The following FAM13A variants were observed in gnomAD, a reference collection of about 807,000 sequenced individuals.
FAM13A encodes the protein family with sequence similarity 13 member A, also known as protein FAM13A.
Under a neutral mutation model 129.6 loss-of-function variants are expected in FAM13A, and 76 were observed. The ratio of observed to expected loss-of-function variants is 0.59; its 90% confidence interval spans 0.49 to 0.71. FAM13A has a LOEUF of 0.71. Among genes scored for constraint, FAM13A ranks in the 30% least tolerant of loss-of-function variants. The pLI, the probability that FAM13A is intolerant of heterozygous loss-of-function variation, is 0.00. For synonymous variants in FAM13A, 443 were observed against 449.9 expected (o/e 0.98, Z 0.20); for missense variants, 1,108 against 1,249.3 (o/e 0.89, Z 1.70).
Position 88,768,015 on chromosome 4 carries a change from T to C in FAM13A, c.1503A>G (p.Gly501=), listed in dbSNP as rs1746033219. The stretch of plus-strand genomic sequence containing the variant: ...CAGACATCCATTCAAAATCATCAGG[T>C]CCAGTTCTCTCATGAGATCGTGTGG... ...LNSTRSHERT[G]PDDFEWMSDE... Residue 501 remains glycine, a synonymous_variant, in exon 12 of 24, where the codon GGA becomes GGG. Transcript: ENST00000264344. 1 of 1,608,762 alleles carries C rather than the reference T, an allele frequency of 6.2e-7. No individual in the cohort carries two copies. The highest frequency in any genetic ancestry group is 2.2e-5 in the East Asian group (1 of 44,764).
At chr4:88,882,196 C>T (rs1329298784) in intron 6 of FAM13A, among the ~76,000 whole-genome samples, 3 of 151,968 alleles carry the variant, frequency 2.0e-5, no homozygotes, top group Admixed American at 6.6e-5. Flanking sequence ...AATCTAAAGT[C>T]AGGATGAAGG....
intron 6 of FAM13A, among the ~76,000 whole-genome samples, chr4:88,891,433 A>T (rs574993230): frequency 3.3e-5 from 5 of 152,218 alleles, no homozygotes; most frequent in Admixed American, 2.0e-4. Flanking sequence ...AAAAAGGAAA[A>T]AGAGTAAGAA....
intron 6 of FAM13A, among the ~76,000 whole-genome samples, chr4:88,881,679 C>G (rs1358413551): frequency 6.6e-6 from 1 of 151,904 alleles, no homozygotes; most frequent in Non-Finnish European, 1.5e-5. Flanking sequence ...ATAAGCTAAT[C>G]AAGGAGGCAC....
chr4:88,836,501 T>C (rs894563764), intron 7 of FAM13A, among the ~76,000 whole-genome samples: 18 of 152,242 alleles, frequency 1.2e-4, no homozygotes, highest in Non-Finnish European at 2.5e-4. Context: ...GATTCATTTA[T>C]GAATGTACAG....
chr4:88,769,308 C>A (rs1449439450), intron 11 of FAM13A, among the ~76,000 whole-genome samples: 1 of 152,128 alleles, frequency 6.6e-6, no homozygotes. Flanking sequence ...GCCTGGAATT[C>A]TCAGTTTGAC....
chr4:88,983,694 T>C (rs1761914332), intron 4 of FAM13A, among the ~76,000 whole-genome samples: 1 of 152,160 alleles, frequency 6.6e-6, no homozygotes, highest in African/African-American at 2.4e-5. Flanking sequence ...ATTGGGAGAT[T>C]TAATTTTGCT....
At chr4:89,030,852 A>G (rs1724866153) in intron 1 of FAM13A, among the ~76,000 whole-genome samples, 2 of 152,172 alleles carry the variant, frequency 1.3e-5, no homozygotes, top group Admixed American at 6.5e-5. Flanking sequence ...TAATTCTACA[A>G]TCTTTGAGTA....
intron 4 of FAM13A, among the ~76,000 whole-genome samples, chr4:88,947,987 G>T (rs1756232485): frequency 6.6e-6 from 1 of 152,106 alleles, no homozygotes; most frequent in South Asian, 2.1e-4. Context: ...GGCAAGGAAT[G>T]ATTAGGGAAA....
At chr4:88,948,753 T>A (rs570439985) in intron 4 of FAM13A, among the ~76,000 whole-genome samples, 4 of 152,296 alleles carry the variant, frequency 2.6e-5, no homozygotes, top group African/African-American at 9.6e-5. Flanking sequence ...CCTCCCAAAG[T>A]GCTGGGATTA....
At chr4:88,762,853 T>A (rs1305657666) in intron 13 of FAM13A, among the ~76,000 whole-genome samples, 1 of 152,128 alleles carries the variant, frequency 6.6e-6, no homozygotes, top group African/African-American at 2.4e-5. Flanking sequence ...ACTTTTGTTG[T>A]TTACATGTCT....
At chr4:88,878,287 C>CAAAAAAAAAAAAAAAA (rs56067813) in intron 6 of FAM13A, among the ~76,000 whole-genome samples, 1 of 61,062 alleles carries the variant, frequency 1.6e-5, no homozygotes, top group African/African-American at 7.3e-5. Flanking sequence ...GACTCCATCT[C>CAAAAAAAAAAAAAAAA]AAAAAAAAAA....
chr4:88,794,947 T>C (rs560342305), intron 8 of FAM13A, among the ~76,000 whole-genome samples: 2 of 151,962 alleles, frequency 1.3e-5, no homozygotes, highest in South Asian at 2.1e-4. Context: ...TGTTATGGTA[T>C]AATGGCTTTC....
intron 5 of FAM13A, among the ~76,000 whole-genome samples, chr4:88,929,983 C>G (rs1752787437): frequency 6.6e-6 from 1 of 152,132 alleles, no homozygotes; most frequent in African/African-American, 2.4e-5. Flanking sequence ...AAGTGATCCT[C>G]CTGCTTCAGC....
At chr4:88,798,988 A>G (rs1236817247) in intron 8 of FAM13A, among the ~76,000 whole-genome samples, 2 of 152,244 alleles carry the variant, frequency 1.3e-5, no homozygotes, top group African/African-American at 4.8e-5. Flanking sequence ...TTTAAAATGT[A>G]TATAATTTAT....
Position 88,822,258 on chromosome 4 carries a change from A to G in FAM13A, c.1008-17206T>C, listed in dbSNP as rs568093301. 7.2e-5 allele frequency among the ~76,000 whole-genome samples: 11 copies of G among 152,316 alleles called. No individual in the cohort carries two copies. The East Asian group carries it at 1.5e-3, about 21-fold the overall frequency. On this transcript the variant is annotated intron_variant, in intron 7 of 23. Transcript: ENST00000264344. The stretch of plus-strand genomic sequence containing the variant: ...GCCCTGAGGCCCTCTCCATGCCTAC[A>G]TTCTTCACTTCTTAGTTCACAACAG...
chr4:88,921,507 A>AT (rs1751083968), intron 5 of FAM13A, among the ~76,000 whole-genome samples: 1 of 152,180 alleles, frequency 6.6e-6, no homozygotes, highest in South Asian at 2.1e-4. Context: ...ATGTTGAGAG[A>AT]TTTTGTCACC....
At chr4:88,972,037 T>C (rs1471713492) in intron 4 of FAM13A, among the ~76,000 whole-genome samples, 4 of 152,140 alleles carry the variant, frequency 2.6e-5, no homozygotes, top group African/African-American at 4.8e-5. Context: ...TGAGCATACA[T>C]AAACACATAT....
chr4:88,901,858 T>C (rs749913390), intron 6 of FAM13A, among the ~76,000 whole-genome samples: 37 of 151,894 alleles, frequency 2.4e-4, no homozygotes, highest in South Asian at 6.3e-4. Flanking sequence ...GCTAGACTAA[T>C]AAAGAATAAA....
chr4:88,820,932 GTTTCTATCCCTTGGT>G (rs1050317623), intron 7 of FAM13A, among the ~76,000 whole-genome samples: 2 of 152,132 alleles, frequency 1.3e-5, no homozygotes, highest in African/African-American at 4.8e-5. Flanking sequence ...TTTCAATGTA[GTTTCTATCCCTTGGT>G]GCTCTTAAAC....
Sources: allele counts gnomAD v4.1 joint callset (sites outside exome capture counted in the v4.1 genomes callset), GRCh38; gene constraint gnomAD v4.1.1; transcripts MANE v1.5; gene names NCBI Gene and HGNC (gene_info 2026-07-23, HGNC 2026-07-21).